The following SLC6A12 variants were observed in gnomAD, a reference collection of about 807,000 sequenced individuals.
SLC6A12 encodes sodium- and chloride-dependent betaine transporter.
Under a neutral mutation model 73.3 loss-of-function variants are expected in SLC6A12, and 50 were observed. The ratio of observed to expected loss-of-function variants is 0.68; its 90% CI spans 0.54 to 0.86. The LOEUF (loss-of-function observed/expected upper bound fraction) is 0.86, where lower values mean the gene tolerates loss of function less well. Ranked by LOEUF, SLC6A12 falls within the 40% of genes least tolerant of loss-of-function variation. The pLI is 0.00. For missense variants in SLC6A12, 648 were observed against 772.8 expected (o/e 0.84, Z 1.92); for synonymous variants, 304 against 309.2 (o/e 0.98, Z 0.18).
downstream of SLC6A12, among the ~76,000 whole-genome samples, chr12:189,308 T>C (rs1939502958): frequency 6.6e-6 from 1 of 152,134 alleles, no homozygotes; most frequent in Non-Finnish European, 1.5e-5. Context: ...GCCTCGCGTT[T>C]TTCGTTTTCC....
At chr12:206,438 C>T (rs1013825063) in intron 3 of SLC6A12, among the ~76,000 whole-genome samples, 2 of 151,844 alleles carry the variant, frequency 1.3e-5, no homozygotes, top group South Asian at 4.1e-4. Flanking sequence ...CGTACTATTC[C>T]CTTGTGTGAA....
intron 2 of SLC6A12, 95 bp from the exon 3 acceptor site, chr12:210,138 C>T: frequency 2.2e-6 from 3 of 1,389,074 alleles, no homozygotes; most frequent in Non-Finnish European, 2.9e-6. Context: ...TATTGTTGTT[C>T]TTCCCAAGTG....
downstream of SLC6A12, among the ~76,000 whole-genome samples, chr12:187,126 A>T (rs117124557): frequency 9.9e-5 from 15 of 152,206 alleles, no homozygotes; most frequent in Non-Finnish European, 1.9e-4. Flanking sequence ...GCAAAAATCA[A>T]TTTTTTCATG....
intron 13 of SLC6A12, chr12:193,839 G>C (rs1283217863): frequency 6.5e-6 from 1 of 153,250 alleles, no homozygotes; most frequent in Non-Finnish European, 1.5e-5. Context: ...ACAGAACGGT[G>C]GTCTAGATTG....
chr12:187,644 A>C (rs1272299761), downstream of SLC6A12, among the ~76,000 whole-genome samples: 5 of 130,816 alleles, frequency 3.8e-5, no homozygotes, highest in African/African-American at 1.1e-4. Flanking sequence ...AACCACACAC[A>C]CAGCACCCAC....
chr12:195,351 G>T (rs1439616442), intron 12 of SLC6A12, 24 bp from the exon 13 acceptor site: 4 of 1,465,984 alleles, frequency 2.7e-6, no homozygotes, highest in Non-Finnish European at 3.8e-6. Flanking sequence ...GTGGAGCTGG[G>T]GCATGGCCAG....
chr12:197,346 C>T (rs1192315834), intron 10 of SLC6A12, 31 bp downstream of exon 10: 1 of 1,600,202 alleles, frequency 6.2e-7, no homozygotes, highest in Non-Finnish European at 8.5e-7. Flanking sequence ...TCTCCTTCCC[C>T]TCAGGCCCCA....
chr12:197,879 C>G, intron 9 of SLC6A12, 21 bp downstream of exon 9: 1 of 1,529,956 alleles, frequency 6.5e-7, no homozygotes, highest in Non-Finnish European at 9.0e-7. Flanking sequence ...TTCACCCCAC[C>G]CCGGCCCACG....
intron 13 of SLC6A12, among the ~76,000 whole-genome samples, chr12:194,318 CA>C (rs2137115425): frequency 6.6e-6 from 1 of 152,352 alleles, no homozygotes; most frequent in African/African-American, 2.4e-5. Flanking sequence ...GAGGAAAGGA[CA>C]CAAGTGGGAA....
At chr12:187,089 A>C (rs575978737), downstream of SLC6A12, among the ~76,000 whole-genome samples, 11 of 152,236 alleles carry the variant, frequency 7.2e-5, no homozygotes, top group South Asian at 2.3e-3. Flanking sequence ...ACTGTGGCAA[A>C]CTCCAGCATG....
intron 3 of SLC6A12, 21 bp downstream of exon 3, chr12:209,752 C>T: frequency 2.5e-6 from 4 of 1,614,020 alleles, no homozygotes; most frequent in Non-Finnish European, 3.4e-6. Flanking sequence ...CCCCACCATG[C>T]CTACCTCAAA....
At chr12:195,163 C>T in intron 13 of SLC6A12, 62 bp downstream of exon 13, 1 of 1,070,414 alleles carries the variant, frequency 9.3e-7, no homozygotes, top group Non-Finnish European at 1.5e-6. Context: ...CAAAGCCTGC[C>T]CCTGGCTGGC....
rs1265418349 is a variant in SLC6A12, at chr12:192,504, G to C, written c.1675C>G (p.Leu559Val). The change falls in exon 15 of 16, where the codon CTG becomes GTG. Residue 559 changes from leucine (L) to valine (V), a missense_variant. Coordinates refer to ENST00000684302, the MANE Select transcript of SLC6A12 (RefSeq NM_001122848.3). ...CVPLFVVITL[L>V]KTRGPFRKRL... The stretch of plus-strand genomic sequence containing the variant: ...TTCCTGAAAGGACCCCGAGTCTTCA[G>C]GAGGGTGATGACGACGAAGAGTGGG... 1.2e-6 allele frequency: 2 copies of C among 1,614,024 alleles called. No individual in the cohort carries two copies. The highest frequency in any genetic ancestry group is 2.7e-5 in the African/African-American group (2 of 74,916).
chr12:193,246 A>C lies in SLC6A12; in HGVS notation c.1530+31T>G, dbSNP rs1162484779. On this transcript the variant is annotated intron_variant, in intron 14 of 15. Coordinates refer to ENST00000684302, the MANE Select transcript of SLC6A12 (RefSeq NM_001122848.3). The stretch of plus-strand genomic sequence containing the variant: ...TCTCTGGAGTCTTCTGGGGGCAGGA[A>C]GGAATAGAGGGGCAGCTGGTGGGCA... The C allele has an allele frequency of 8.1e-6, 12 of 1,480,952 alleles. No homozygotes were observed. The African/African-American group carries it at 1.5e-4, about 19-fold the overall frequency. 91.7% of individuals were successfully genotyped at this position (1,480,952 alleles called of 1,614,324 possible). A position where few individuals can be genotyped will look rare whatever the true frequency, so the allele number is the denominator to read the frequency against.
downstream of SLC6A12, among the ~76,000 whole-genome samples, chr12:189,334 G>A (rs510714): frequency 0.44 from 67,279 of 152,060 alleles, 15,577 homozygotes; most frequent in African/African-American, 0.59. Context: ...ACCCGGCCTC[G>A]TAACTGAGAG....
intron 3 of SLC6A12, among the ~76,000 whole-genome samples, chr12:206,815 G>A (rs1241282052): frequency 1.3e-5 from 2 of 152,248 alleles, no homozygotes; most frequent in Admixed American, 6.5e-5. Context: ...AGAGGGACAC[G>A]GCCTAAGGCC....
chr12:196,465 T>C lies in SLC6A12; in HGVS notation c.1189-204A>G, dbSNP rs185097471. ...GACAAAGAGTCTCAGCAGTGAGGGT[T>C]AGAGGGGGGTATGTTCTGTCCCCGA... On this transcript the variant is annotated intron_variant, in intron 11 of 15. Coordinates refer to ENST00000684302, the MANE Select transcript of SLC6A12 (RefSeq NM_001122848.3). Among the ~76,000 whole-genome samples, 417 of 152,194 alleles carry C rather than the reference T, an allele frequency of 2.7e-3. 11 individuals carry two copies. The highest frequency in any genetic ancestry group is 0.026 in the Admixed American group (401 of 15,296).
intron 12 of SLC6A12, among the ~76,000 whole-genome samples, chr12:195,629 CCT>C (rs1204691557): frequency 6.6e-6 from 1 of 152,104 alleles, no homozygotes; most frequent in African/African-American, 2.4e-5. Flanking sequence ...CTGGGGTATC[CCT>C]CTCTCTCTAC....
At chr12:187,590 A>AAC (rs1738131248), downstream of SLC6A12, among the ~76,000 whole-genome samples, 4 of 3,868 alleles carry the variant, frequency 1.0e-3, no homozygotes, top group African/African-American at 1.5e-3. Flanking sequence ...GCAAAAGAGC[A>AAC]AAAAAAAAAA....
Sources: allele counts gnomAD v4.1 joint callset (sites outside exome capture counted in the v4.1 genomes callset), GRCh38; gene constraint gnomAD v4.1.1; transcripts MANE v1.5; gene names NCBI Gene and HGNC (gene_info 2026-07-23, HGNC 2026-07-21).